The following FAR2 variants were observed in gnomAD, a reference collection of about 807,000 sequenced individuals.
The protein encoded by FAR2 is epididymis secretory protein Li 81.
FAR2 carries 19 observed loss-of-function variants against 56.0 expected under a neutral mutation model. The observed-to-expected ratio is 0.34, with a 90% CI of 0.24 to 0.50. The LOEUF (loss-of-function observed/expected upper bound fraction) is 0.50. Among genes scored for constraint, FAR2 ranks in the 20% least tolerant of loss-of-function variants. The probability of loss-of-function intolerance (pLI) is 0.98; values close to 1 mark genes in which losing one functional copy is unlikely to be tolerated. For synonymous variants in FAR2, 219 were observed against 218.8 expected, an observed-to-expected ratio of 1.00 and a Z score of -0.01; for missense variants, 508 against 642.2, an observed-to-expected ratio of 0.79 and a Z score of 2.26.
chr12:29,237,130 C>T (rs74795175), intron 1 of FAR2, among the ~76,000 whole-genome samples: 2,198 of 152,016 alleles, frequency 0.014, 57 homozygotes, highest in African/African-American at 0.049. Context: ...CAAACTGAAA[C>T]GCATTGTTAG....
At chr12:29,285,251 T>C (rs1199946129) in intron 2 of FAR2, among the ~76,000 whole-genome samples, 3 of 152,156 alleles carry the variant, frequency 2.0e-5, no homozygotes, top group Non-Finnish European at 2.9e-5. Context: ...AAAAATGAAT[T>C]TCTGATTGAC....
At chr12:29,276,252 C>T (rs1265614531) in intron 2 of FAR2, among the ~76,000 whole-genome samples, 1 of 152,158 alleles carries the variant, frequency 6.6e-6, no homozygotes, top group Non-Finnish European at 1.5e-5. Context: ...CCTAGGGCCT[C>T]ACTTTTTACT....
At chr12:29,284,875 T>C (rs1948845489) in intron 2 of FAR2, among the ~76,000 whole-genome samples, 1 of 148,734 alleles carries the variant, frequency 6.7e-6, no homozygotes, top group Non-Finnish European at 1.5e-5. Flanking sequence ...GGAGTCTCGC[T>C]CTGTCGCCCA....
chr12:29,320,549 C>A (rs1949533802), intron 9 of FAR2, among the ~76,000 whole-genome samples: 1 of 152,200 alleles, frequency 6.6e-6, no homozygotes, highest in Non-Finnish European at 1.5e-5. Context: ...CAAATCCCCA[C>A]AATAGCATCA....
intron 1 of FAR2, among the ~76,000 whole-genome samples, chr12:29,189,951 T>C (rs1340659632): frequency 3.9e-5 from 6 of 152,040 alleles, no homozygotes; most frequent in Admixed American, 2.0e-4. Context: ...TGGTAGGATT[T>C]GATGGTAGTT....
At chr12:29,169,461 A>G (rs962970443) in intron 1 of FAR2, among the ~76,000 whole-genome samples, 1 of 152,232 alleles carries the variant, frequency 6.6e-6, no homozygotes, top group Non-Finnish European at 1.5e-5. Context: ...AAGGCGAGTA[A>G]TAGCAAGATG....
rs1948597536 is a variant in FAR2, at chr12:29,270,501, G to A, written c.52G>A (p.Ala18Thr). Residue 18 changes from alanine (A) to threonine (T), a missense_variant, in exon 2 of 12, where the codon GCC becomes ACC. Transcript: ENST00000536681. Reference protein sequence around the residue: ...YGGKSILITGATGFLGKVLME... With the variant: ...YGGKSILITGTTGFLGKVLME... The stretch of plus-strand genomic sequence containing the variant: ...CGGCAAGTCCATTCTCATCACGGGG[G>A]CCACAGGCTTTCTGGGCAAAGTGCT... The A allele has an allele frequency of 1.2e-6, 2 of 1,611,838 alleles. No individual in the cohort carries two copies. The highest frequency in any genetic ancestry group is 1.1e-5 in the South Asian group (1 of 90,790).
At chr12:29,155,459 G>A (rs762896692) in intron 1 of FAR2, among the ~76,000 whole-genome samples, 9 of 152,216 alleles carry the variant, frequency 5.9e-5, no homozygotes, top group Non-Finnish European at 1.0e-4. Flanking sequence ...TCACACAGCT[G>A]TAGAATTCTT....
At chr12:29,292,873 G>A (rs1160943985) in intron 2 of FAR2, among the ~76,000 whole-genome samples, 1 of 152,124 alleles carries the variant, frequency 6.6e-6, no homozygotes, top group Non-Finnish European at 1.5e-5. Flanking sequence ...GATTGATAAG[G>A]TTGATAAAGT....
chr12:29,293,838 A>G lies in FAR2; in HGVS notation c.365+363A>G, dbSNP rs1010198283. Among the ~76,000 whole-genome samples the G allele has an allele frequency of 2.6e-5, 4 of 152,170 alleles. No homozygotes were observed. The East Asian group carries it at 7.7e-4, about 29-fold the overall frequency. ...ATGACATTCCATTGTACATATATAT[A>G]TAATATATTAAACCAGTTCTATGTC... On this transcript the variant is annotated intron_variant, in intron 3 of 11. Coordinates refer to ENST00000536681, the MANE Select transcript of FAR2 (RefSeq NM_001271783.2).
intron 1 of FAR2, among the ~76,000 whole-genome samples, chr12:29,224,686 C>G (rs1947737850): frequency 6.6e-6 from 1 of 152,094 alleles, no homozygotes. Context: ...TTACTTGTTT[C>G]TTTTTCTTCA....
intron 2 of FAR2, among the ~76,000 whole-genome samples, chr12:29,290,987 AG>A (rs1246883812): frequency 6.6e-6 from 1 of 152,188 alleles, no homozygotes; most frequent in Non-Finnish European, 1.5e-5. Flanking sequence ...AATAATTTAA[AG>A]AGTATAATTG....
At chr12:29,281,757 AC>A (rs1204262951) in intron 2 of FAR2, among the ~76,000 whole-genome samples, 34 of 147,190 alleles carry the variant, frequency 2.3e-4, no homozygotes, top group Non-Finnish European at 4.3e-4. Context: ...AAAAAAAAAA[AC>A]TGGAATGCAT....
intron 1 of FAR2, among the ~76,000 whole-genome samples, chr12:29,242,008 CTCCTGGTGCTAAG>C (rs1356039851): frequency 2.0e-5 from 3 of 152,228 alleles, no homozygotes; most frequent in Non-Finnish European, 4.4e-5. Flanking sequence ...ATGTGGGCTT[CTCCTGGTGCTAAG>C]TCTGAACACA....
intron 1 of FAR2, among the ~76,000 whole-genome samples, chr12:29,235,253 A>G (rs1947922481): frequency 6.6e-6 from 1 of 152,212 alleles, no homozygotes; most frequent in Admixed American, 6.5e-5. Context: ...AAAACTGGGT[A>G]TGATTAATGT....
intron 1 of FAR2, among the ~76,000 whole-genome samples, chr12:29,203,693 T>G (rs148276672): frequency 4.6e-4 from 70 of 152,252 alleles, no homozygotes; most frequent in Non-Finnish European, 7.8e-4. Context: ...TGGTAGAAGA[T>G]TCTCAGGTAG....
chr12:29,193,731 G>A (rs142247138), intron 1 of FAR2, among the ~76,000 whole-genome samples: 1 of 152,164 alleles, frequency 6.6e-6, no homozygotes, highest in South Asian at 2.1e-4. Context: ...TTTTTGTGTG[G>A]ACATAAATTT....
intron 1 of FAR2, among the ~76,000 whole-genome samples, chr12:29,199,612 A>AT (rs1359438416): frequency 5.8e-4 from 51 of 87,648 alleles, no homozygotes; most frequent in African/African-American, 1.5e-3. Flanking sequence ...AAAAAAAAAA[A>AT]AAAGAAAGAA....
At chr12:29,333,201 G>A (rs888640857) in intron 11 of FAR2, 1 of 292,078 alleles carries the variant, frequency 3.4e-6, no homozygotes, top group Non-Finnish European at 6.6e-6. Context: ...TATAATCCTG[G>A]TAGAAGCAGA....
Sources: gnomAD v4.1 joint callset for allele counts (sites outside exome capture counted in the v4.1 genomes callset) on GRCh38, gnomAD v4.1.1 for gene constraint, MANE v1.5 for transcripts, NCBI Gene and HGNC (gene_info 2026-07-23, HGNC 2026-07-21) for gene names.